The following MAP1A variants were observed in gnomAD, a reference collection of about 807,000 sequenced individuals.
MAP1A encodes the protein microtubule associated protein 1A.
Under a neutral mutation model 185.9 loss-of-function variants are expected in MAP1A, and 42 were observed. The ratio of observed to expected loss-of-function variants is 0.23; its 90% CI spans 0.18 to 0.29. MAP1A has a LOEUF of 0.29. Among genes scored for constraint, MAP1A ranks in the 10% least tolerant of loss-of-function variants. MAP1A has a pLI of 1.00. For synonymous variants in MAP1A, 1,229 were observed against 1,335.9 expected, an observed-to-expected ratio of 0.92 and a Z score of 1.74; for missense variants, 2,995 against 3,450.4, an observed-to-expected ratio of 0.87 and a Z score of 3.31.
At chr15:43,520,922 C>A (rs530922697) in intron 2 of MAP1A, 50 bp from the exon 3 acceptor site, 1 of 1,520,620 alleles carries the variant, frequency 6.6e-7, no homozygotes, top group Non-Finnish European at 8.9e-7. Flanking sequence ...CATTCATTGC[C>A]TTTCCCTGGA....
In MAP1A at chr15:43,523,035, G is replaced by A. The variant is rs747539909; in HGVS notation, c.1562G>A (p.Arg521Lys). 4 of 1,614,224 alleles carry A rather than the reference G, an allele frequency of 2.5e-6. No individual in the cohort carries two copies. The Admixed American group carries it at 5.0e-5, about 20-fold the overall frequency. The stretch of plus-strand genomic sequence containing the variant: ...CCACTCCCAACCATCAGTGGGCACA[G>A]GGAGCTGGTCCTATCCTCACCAGAG... ...TVPLPTISGH[R>K]ELVLSSPEDL... The change falls in exon 4 of 6, where the codon AGG (arginine) becomes AAG (lysine). Residue 521 changes from arginine to lysine, a missense_variant. Transcript: ENST00000300231.
Position 43,526,497 on chromosome 15 carries a change from C to T in MAP1A, c.5024C>T (p.Ser1675Phe). Residue 1675 changes from serine (S) to phenylalanine (F), a missense_variant, in exon 4 of 6, where the codon TCT becomes TTT. Coordinates refer to ENST00000300231, the MANE Select transcript of MAP1A (RefSeq NM_002373.6). The surrounding 1 kb of genome is among the most constrained non-coding windows in gnomAD (Gnocchi z 4.7). ...CTTGCCCCGGCATGGGAGGACACAT[C>T]TCCTGAGCAGGACAATAGGTATTGG... ...KELAPAWEDT[S>F]PEQDNRYWRG... is the part of the protein sequence containing the mutation. 1.2e-6 allele frequency: 2 copies of T among 1,614,106 alleles called. No homozygotes were observed. Among genetic ancestry groups the T allele is most frequent in the Non-Finnish European group, 1.7e-6 (2 of 1,180,008 alleles).
rs201117585 is a variant in MAP1A at position 43,522,427 on chromosome 15, T to C, written c.954T>C (p.Asp318=). 4.3e-6 allele frequency: 7 copies of C among 1,614,032 alleles called. 1 individual carries two copies. In the East Asian group the frequency reaches 8.9e-5, roughly 21 times the overall value. Residue 318 remains aspartate (D), a synonymous_variant, in exon 4 of 6, where the codon GAT becomes GAC. Coordinates refer to ENST00000300231, the MANE Select transcript of MAP1A (RefSeq NM_002373.6). The surrounding 1 kb of genome is among the most constrained non-coding windows in gnomAD (Gnocchi z 5.9). ...CCAGCAAAATCAAACAGCGGGCTGA[T>C]AGCAAGGAGAGCCTCAAAGCCACTA... ...LKPSKIKQRA[D]SKESLKATTK... is the part of the protein sequence containing the mutation.
At chr15:43,518,931 C>T (rs1260905398) in intron 1 of MAP1A, among the ~76,000 whole-genome samples, 2 of 152,132 alleles carry the variant, frequency 1.3e-5, no homozygotes, top group African/African-American at 4.8e-5. Flanking sequence ...GGAACAGGAC[C>T]TTATGCCAGG....
Position 43,527,556 on chromosome 15 carries a change from C to A in MAP1A, c.6083C>A (p.Ser2028Tyr), listed in dbSNP as rs771023035. The change falls in exon 4 of 6, where the codon TCT becomes TAT. Residue 2028 changes from serine (S) to tyrosine (Y), a missense_variant. By Grantham distance (144) the Ser-to-Tyr change is moderately radical. This residue lies in a region of MAP1A where 2,728 missense variants were observed against 2,986.0 expected (regional missense o/e 0.91). Transcript: ENST00000300231. ...CCTATCTCACCCAAGAGCCTCCAGT[C>A]TGACACTCCAACCTTCAGCTATGCA... ...SSPISPKSLQSDTPTFSYAAL... is the reference protein window; with the variant it reads ...SSPISPKSLQYDTPTFSYAAL... 3 of 1,614,172 alleles carry A rather than the reference C, an allele frequency of 1.9e-6. No individual in the cohort carries two copies. The highest frequency in any genetic ancestry group is 2.5e-6 in the Non-Finnish European group (3 of 1,180,018).
Position 43,526,632 on chromosome 15 carries a change from A to G in MAP1A, c.5159A>G (p.His1720Arg), listed in dbSNP as rs1015061069. The G allele has an allele frequency of 6.2e-7, 1 of 1,614,124 alleles. No homozygotes were observed. Among genetic ancestry groups the G allele is most frequent in the Non-Finnish European group, 8.5e-7 (1 of 1,180,010 alleles). Residue 1720 changes from histidine to arginine, a missense_variant, in exon 4 of 6, where the codon CAC (histidine) becomes CGC (arginine). This residue lies in a region of MAP1A where 2,728 missense variants were observed against 2,986.0 expected (regional missense o/e 0.91). Transcript: ENST00000300231. This position sits in a 1 kb window ranked among gnomAD's most constrained non-coding sequence, Gnocchi z 4.7. ...HELDGQGARP[H>R]YTEERESTFL... ...CTGGATGGCCAGGGGGCCCGCCCAC[A>G]CTACACTGAGGAACGGGAAAGCACT...
chr15:43,525,908 G>C lies in MAP1A; in HGVS notation c.4435G>C (p.Glu1479Gln), dbSNP rs757246181. 13 of 1,613,614 alleles carry C rather than the reference G, an allele frequency of 8.1e-6. No individual in the cohort carries two copies. Among genetic ancestry groups the C allele is most frequent in the Middle Eastern group, 1.6e-4 (1 of 6,062 alleles). ...CCTGGAACCAAAAGATAAAGACTTG[G>C]AACAAAAGGACAGGGTCCTAGAACA... ...KALEPKDKDL[E>Q]QKDRVLEQKE... Residue 1479 changes from glutamate to glutamine, a missense_variant, in exon 4 of 6, where the codon GAA becomes CAA. This residue lies in a region of MAP1A where 2,728 missense variants were observed against 2,986.0 expected (regional missense o/e 0.91). Coordinates refer to ENST00000300231, the MANE Select transcript of MAP1A (RefSeq NM_002373.6).
rs1484275804 is a variant in MAP1A, at chr15:43,526,563, G to A, written c.5090G>A (p.Trp1697Ter). The change falls in exon 4 of 6, where the codon TGG (tryptophan) becomes TAG (stop). Residue 1697 changes from tryptophan (W) to a stop codon, truncating the protein, a stop_gained. Coordinates refer to ENST00000300231, the MANE Select transcript of MAP1A (RefSeq NM_002373.6). LOFTEE classifies it high-confidence loss of function. This position sits in a 1 kb window ranked among gnomAD's most constrained non-coding sequence, Gnocchi z 4.7. ...GTGGCCTTGGAACAGGACACATACT[G>A]GAGGGAGCTAAGCTGTGAGCGGAAG... is the stretch of plus-strand genomic sequence containing the variant. Reference protein sequence around the residue: ...EDVALEQDTYWRELSCERKVW... With the variant: ...EDVALEQDTY 6.2e-7 allele frequency: 1 copy of A among 1,614,070 alleles called. No homozygotes were observed. Among genetic ancestry groups the A allele is most frequent in the African/African-American group, 1.3e-5 (1 of 74,950 alleles).
chr15:43,522,327 A>T lies in MAP1A; in HGVS notation c.854A>T (p.His285Leu), dbSNP rs1237423237. Residue 285 changes from histidine to leucine, a missense_variant, in exon 4 of 6, where the codon CAT becomes CTT. His to Leu is a moderately conservative substitution (Grantham distance 99, BLOSUM62 -3). Transcript: ENST00000300231. The surrounding 1 kb of genome is among the most constrained non-coding windows in gnomAD (Gnocchi z 5.9). ...TTGGAGGGCCTAGAAAAGCTTCGGCATCTGGACTTCCTGCGTTACCCTGTG... is the reference window on the plus strand; with the variant it reads ...TTGGAGGGCCTAGAAAAGCTTCGGCTTCTGGACTTCCTGCGTTACCCTGTG... ...KILEGLEKLR[H>L]LDFLRYPVAT... 8.1e-6 allele frequency: 13 copies of T among 1,614,096 alleles called. 1 individual carries two copies. The South Asian group carries it at 1.4e-4, about 18-fold the overall frequency.
upstream of MAP1A, among the ~76,000 whole-genome samples, chr15:43,514,901 A>G (rs911347155): frequency 1.3e-5 from 2 of 152,208 alleles, no homozygotes; most frequent in African/African-American, 4.8e-5. Context: ...CTTATAATTC[A>G]TAACTAATAT....
In MAP1A at chr15:43,529,386, A is replaced by T. The variant is rs2079361769; in HGVS notation, c.7913A>T (p.Asp2638Val). The T allele has an allele frequency of 1.2e-6, 2 of 1,613,922 alleles. No homozygotes were observed. The highest frequency in any genetic ancestry group is 4.5e-5 in the East Asian group (2 of 44,870). Residue 2638 changes from aspartate to valine, a missense_variant, in exon 4 of 6, where the codon GAT becomes GTT. Transcript: ENST00000300231. The surrounding 1 kb of genome is among the most constrained non-coding windows in gnomAD (Gnocchi z 4.3). ...RSPTPGKGPA[D>V]RASRAPPRPR... Reference sequence around the variant, plus strand: ...CCCACCCCTGGTAAAGGGCCTGCAGATCGAGCATCCCGGGCCCCACCTCGA... The same window carrying T: ...CCCACCCCTGGTAAAGGGCCTGCAGTTCGAGCATCCCGGGCCCCACCTCGA...
rs1346057788 is a variant in MAP1A, at chr15:43,529,495, C to T, written c.8022C>T (p.Leu2674=). The change falls in exon 4 of 6, where the codon CTC becomes CTT. Residue 2674 remains leucine, a synonymous_variant. Coordinates refer to ENST00000300231, the MANE Select transcript of MAP1A (RefSeq NM_002373.6). This position sits in a 1 kb window ranked among gnomAD's most constrained non-coding sequence, Gnocchi z 4.3. ...SPMSKGLVNG[L]KAGPMALSSK... ...TGTCCAAAGGCCTAGTCAATGGACT[C>T]AAGGCAGGACCAAGTAAGTATATCA... The T allele has an allele frequency of 6.2e-7, 1 of 1,605,302 alleles. No individual in the cohort carries two copies. Among genetic ancestry groups the T allele is most frequent in the Non-Finnish European group, 8.5e-7 (1 of 1,174,356 alleles).
rs764101391 is a variant in MAP1A at position 43,528,195 on chromosome 15, C to T, written c.6722C>T (p.Ala2241Val). ...PQLPSPSSPG[A>V]PLLSNLPRPA... ...CTCCCATCACCCAGTTCTCCTGGGG[C>T]CCCTCTCCTCTCCAATCTGCCACGA... The change falls in exon 4 of 6, where the codon GCC becomes GTC. Residue 2241 changes from alanine (A) to valine (V), a missense_variant. Physicochemically the swap from Ala to Val is moderately conservative, Grantham distance 64 (BLOSUM62 0). Transcript: ENST00000300231. The T allele has an allele frequency of 2.5e-6, 4 of 1,614,122 alleles. No individual in the cohort carries two copies. In the Admixed American group the frequency reaches 6.7e-5, roughly 27 times the overall value.
At position 43,530,438 on chromosome 15, in the gene MAP1A, A is replaced by G; in HGVS notation, c.*214A>G. On this transcript the variant is annotated 3_prime_UTR_variant, in exon 6 of 6. Transcript: ENST00000300231. ...TCAAACCAAAGTTAACAGGGAGAGGATGGGGGAGGGGACAAATTAGAATAG... is the reference window on the plus strand; with the variant it reads ...TCAAACCAAAGTTAACAGGGAGAGGGTGGGGGAGGGGACAAATTAGAATAG... 1 of 593,336 alleles carries G rather than the reference A, an allele frequency of 1.7e-6. No individual in the cohort carries two copies. 36.8% of individuals were successfully genotyped at this position (593,336 alleles called of 1,614,324 possible). A position where few individuals can be genotyped will look rare whatever the true frequency, so the allele number is the denominator to read the frequency against.
At chr15:43,512,850 T>C (rs1036197725), upstream of MAP1A, among the ~76,000 whole-genome samples, 1 of 152,160 alleles carries the variant, frequency 6.6e-6, no homozygotes, top group Non-Finnish European at 1.5e-5. Context: ...GGCTCCTGAA[T>C]TTACTGCTAC....
intron 1 of MAP1A, among the ~76,000 whole-genome samples, chr15:43,520,282 G>GC (rs898612124): frequency 6.6e-6 from 1 of 152,132 alleles, no homozygotes; most frequent in African/African-American, 2.4e-5. Flanking sequence ...CTCCAGCTGA[G>GC]CCCCCCATCC....
chr15:43,513,100 G>A (rs966524481), upstream of MAP1A, among the ~76,000 whole-genome samples: 6 of 152,178 alleles, frequency 3.9e-5, no homozygotes, highest in East Asian at 5.8e-4. Context: ...AGGCTGAGGC[G>A]GGGAGATCAC....
At position 43,529,418 on chromosome 15, in the gene MAP1A, A is replaced by G. The variant is rs1219461250; in HGVS notation, c.7945A>G (p.Ser2649Gly). The change falls in exon 4 of 6, where the codon AGC becomes GGC. Residue 2649 changes from serine to glycine, a missense_variant. Ser to Gly is a moderately conservative substitution (Grantham distance 56, BLOSUM62 0). Coordinates refer to ENST00000300231, the MANE Select transcript of MAP1A (RefSeq NM_002373.6). The surrounding 1 kb of genome is among the most constrained non-coding windows in gnomAD (Gnocchi z 4.3). ...RASRAPPRPR[S>G]TTSQVTPAEE... The stretch of plus-strand genomic sequence containing the variant: ...ATCCCGGGCCCCACCTCGACCACGC[A>G]GCACCACAAGCCAGGTCACCCCAGC... The G allele has an allele frequency of 6.2e-7, 1 of 1,613,934 alleles. No homozygotes were observed. The highest frequency in any genetic ancestry group is 2.2e-5 in the East Asian group (1 of 44,874).
At chr15:43,518,487 C>T (rs1302877568) in intron 1 of MAP1A, among the ~76,000 whole-genome samples, 1 of 152,096 alleles carries the variant, frequency 6.6e-6, no homozygotes, top group Non-Finnish European at 1.5e-5. Flanking sequence ...CCAGTTTCTT[C>T]TCTCTCTCTG....
Sources: allele counts gnomAD v4.1 joint callset (sites outside exome capture counted in the v4.1 genomes callset), GRCh38; gene constraint gnomAD v4.1.1; regional missense constraint gnomAD v4.1.1; non-coding constraint Gnocchi (gnomAD v3.1); transcripts MANE v1.5; gene names NCBI Gene and HGNC (gene_info 2026-07-23, HGNC 2026-07-21).